HRH1: variants seen among roughly 807,000 people sequenced by gnomAD.
The protein encoded by HRH1 is histamine H1 receptor.
HRH1 carries 6 observed loss-of-function variants against 10.3 expected under a neutral mutation model. That is an observed-to-expected ratio of 0.58 (90% CI 0.32 to 1.15). The LOEUF is 1.15. Among genes scored for constraint, HRH1 ranks in the 50% most tolerant of loss-of-function variants. The pLI is 0.05. For missense variants in HRH1, 514 were observed against 615.3 expected (o/e 0.84, Z 1.74); for synonymous variants, 242 against 236.7 (o/e 1.02, Z -0.21).
intron 1 of HRH1, among the ~76,000 whole-genome samples, chr3:11,187,299 T>C (rs183712774): frequency 9.2e-5 from 14 of 152,326 alleles, no homozygotes; most frequent in African/African-American, 3.1e-4. Flanking sequence ...AGGAGGCTCC[T>C]AAGAAACTGG....
chr3:11,235,766 A>G (rs1939165433), intron 1 of HRH1, among the ~76,000 whole-genome samples: 1 of 152,266 alleles, frequency 6.6e-6, no homozygotes. Flanking sequence ...TGGCTAGGAC[A>G]GGAGCGGGGC....
chr3:11,220,484 G>A (rs908776064), intron 1 of HRH1, among the ~76,000 whole-genome samples: 2 of 152,222 alleles, frequency 1.3e-5, no homozygotes, highest in Admixed American at 1.3e-4. Flanking sequence ...CCAGTGCAGA[G>A]CCTGCAGCCA....
chr3:11,211,362 C>G (rs1427783601), intron 1 of HRH1, among the ~76,000 whole-genome samples: 1 of 152,222 alleles, frequency 6.6e-6, no homozygotes, highest in Non-Finnish European at 1.5e-5. Flanking sequence ...TCTGGTGGCT[C>G]CTTATTCCAG....
At chr3:11,252,894 A>G (rs1939688078) in intron 1 of HRH1, 1 of 152,004 alleles carries the variant, frequency 6.6e-6, no homozygotes, top group Non-Finnish European at 1.5e-5. Context: ...TCTTTTGACC[A>G]TACCTCGGGA....
intron 1 of HRH1, among the ~76,000 whole-genome samples, chr3:11,206,274 C>A (rs1004703027): frequency 6.6e-6 from 1 of 152,246 alleles, no homozygotes; most frequent in African/African-American, 2.4e-5. Flanking sequence ...CACGCCAACA[C>A]GCCTGGCTAA....
intron 1 of HRH1, among the ~76,000 whole-genome samples, chr3:11,196,953 CAAAAAAAA>C (rs35134148): frequency 1.5e-4 from 17 of 110,452 alleles, no homozygotes; most frequent in African/African-American, 1.8e-4. Flanking sequence ...ACTAAAAATA[CAAAAAAAA>C]AAAAAAAAAA....
chr3:11,210,349 C>T (rs1206795229), intron 1 of HRH1, among the ~76,000 whole-genome samples: 2 of 151,866 alleles, frequency 1.3e-5, no homozygotes, highest in African/African-American at 2.4e-5. Flanking sequence ...AACTATTGAA[C>T]GTGCCAGTGT....
intron 1 of HRH1, among the ~76,000 whole-genome samples, chr3:11,220,867 T>C (rs1479900117): frequency 6.6e-6 from 1 of 151,906 alleles, no homozygotes; most frequent in Admixed American, 6.6e-5. Flanking sequence ...TCTATGTCAA[T>C]AACAAAAAAA....
chr3:11,218,001 T>A (rs1220775812), intron 1 of HRH1, among the ~76,000 whole-genome samples: 1 of 151,878 alleles, frequency 6.6e-6, no homozygotes, highest in East Asian at 1.9e-4. Context: ...CCAAGGGAGA[T>A]GCAACAGTCA....
chr3:11,162,809 G>A (rs374663432), intron 1 of HRH1, among the ~76,000 whole-genome samples: 1 of 152,162 alleles, frequency 6.6e-6, no homozygotes, highest in South Asian at 2.1e-4. Flanking sequence ...CTAGGAGGCA[G>A]GGTTAAAGCA....
At chr3:11,181,390 C>T (rs921394196) in intron 1 of HRH1, among the ~76,000 whole-genome samples, 6 of 152,086 alleles carry the variant, frequency 3.9e-5, no homozygotes, top group African/African-American at 1.4e-4. Context: ...TCCTGTTTTC[C>T]AGAGTGGCTG....
intron 1 of HRH1, among the ~76,000 whole-genome samples, chr3:11,217,508 G>A (rs1042805227): frequency 6.6e-6 from 1 of 152,144 alleles, no homozygotes; most frequent in Admixed American, 6.5e-5. Flanking sequence ...CAGCTTGGGT[G>A]ACAGAGCGAG....
chr3:11,148,976 C>T (rs978082086), intron 1 of HRH1, among the ~76,000 whole-genome samples: 3 of 152,216 alleles, frequency 2.0e-5, no homozygotes, highest in East Asian at 3.9e-4. Context: ...CCTCTTCATC[C>T]TCATATCCCA....
intron 1 of HRH1, among the ~76,000 whole-genome samples, chr3:11,255,590 C>A (rs1333752556): frequency 6.6e-6 from 1 of 152,180 alleles, no homozygotes; most frequent in Non-Finnish European, 1.5e-5. Flanking sequence ...GACGATGTGC[C>A]CAAAGTGGTC....
At chr3:11,174,489 CAGG>C (rs1055415564) in intron 1 of HRH1, among the ~76,000 whole-genome samples, 70 of 152,214 alleles carry the variant, frequency 4.6e-4, no homozygotes, top group African/African-American at 1.5e-3. Context: ...ACCCAGGGGG[CAGG>C]AGATGATGCC....
At chr3:11,161,627 A>G (rs955848768) in intron 1 of HRH1, among the ~76,000 whole-genome samples, 1 of 152,148 alleles carries the variant, frequency 6.6e-6, no homozygotes, top group Non-Finnish European at 1.5e-5. Context: ...TTCATAACAG[A>G]GCGCCTGGCA....
chr3:11,145,542 A>G (rs1045355594), intron 1 of HRH1, among the ~76,000 whole-genome samples: 5 of 152,056 alleles, frequency 3.3e-5, no homozygotes, highest in African/African-American at 1.2e-4. Context: ...AAGGTGAGAT[A>G]TTGTTTTTGA....
intron 1 of HRH1, among the ~76,000 whole-genome samples, chr3:11,160,758 T>C (rs1378256474): frequency 6.6e-6 from 1 of 152,184 alleles, no homozygotes; most frequent in African/African-American, 2.4e-5. Flanking sequence ...AACCCAGTCA[T>C]TGACAGTAGA....
chr3:11,143,519 C>T (rs982490621), intron 1 of HRH1, among the ~76,000 whole-genome samples: 10 of 152,350 alleles, frequency 6.6e-5, no homozygotes, highest in Non-Finnish European at 8.8e-5. Context: ...AAATTCCCCA[C>T]GAAGTTTTCC....
Sources: allele counts gnomAD v4.1 joint callset (sites outside exome capture counted in the v4.1 genomes callset), GRCh38; gene constraint gnomAD v4.1.1; transcripts MANE v1.5; gene names NCBI Gene and HGNC (gene_info 2026-07-23, HGNC 2026-07-21).